Variants in FRMD4B observed in about 807,000 individuals in gnomAD.
FRMD4B encodes FERM domain-containing protein 4B.
Under a neutral mutation model 141.5 loss-of-function variants are expected in FRMD4B, and 74 were observed. The ratio of observed to expected loss-of-function variants is 0.52; its 90% confidence interval spans 0.43 to 0.63. FRMD4B has a LOEUF of 0.63. Among genes scored for constraint, FRMD4B ranks in the 30% least tolerant of loss-of-function variants. The pLI is 0.00. For missense variants in FRMD4B, 1,366 were observed against 1,253.4 expected, an observed-to-expected ratio of 1.09 and a Z score of -1.36; for synonymous variants, 506 against 467.9, an observed-to-expected ratio of 1.08 and a Z score of -1.05.
chr3:69,312,303 C>T lies in FRMD4B; in HGVS notation c.229-946G>A, dbSNP rs1244123079. Among the ~76,000 whole-genome samples, 6 of 152,060 alleles carry T rather than the reference C, an allele frequency of 3.9e-5. No individual in the cohort carries two copies. The South Asian group carries it at 6.2e-4, about 16-fold the overall frequency. ...GAGCAAAACAGCTTAGGGTATATTA[C>T]GATGGCTGTTGGGGATAAAAATGGA... is the stretch of plus-strand genomic sequence containing the variant. On this transcript the variant is annotated intron_variant, in intron 2 of 22. Coordinates refer to ENST00000398540, the MANE Select transcript of FRMD4B (RefSeq NM_015123.3).
chr3:69,510,663 G>T (rs1201415164), intron 1 of FRMD4B, among the ~76,000 whole-genome samples: 1 of 152,164 alleles, frequency 6.6e-6, no homozygotes, highest in Non-Finnish European at 1.5e-5. Context: ...CAAGCCAAAG[G>T]TGTTGATGAC....
chr3:69,283,429 C>CAAAAAAAAAAAAAAAAAAA (rs59444542), intron 5 of FRMD4B, among the ~76,000 whole-genome samples: 1 of 139,458 alleles, frequency 7.2e-6, no homozygotes, highest in Non-Finnish European at 1.5e-5. Context: ...GCAACAACAA[C>CAAAAAAAAAAAAAAAAAAA]AAAAAAAAAA....
intron 7 of FRMD4B, among the ~76,000 whole-genome samples, chr3:69,247,739 C>T (rs536292228): frequency 6.6e-6 from 1 of 152,320 alleles, no homozygotes; most frequent in African/African-American, 2.4e-5. Context: ...AGCTCCACCT[C>T]CCGGGTTCAC....
intron 1 of FRMD4B, among the ~76,000 whole-genome samples, chr3:69,457,978 G>A (rs571272738): frequency 1.0e-3 from 154 of 152,244 alleles, no homozygotes; most frequent in Admixed American, 3.9e-3. Context: ...GGAGCCCCTG[G>A]TGCCCATAGA....
chr3:69,381,678 A>T (rs1424598887), intron 1 of FRMD4B, among the ~76,000 whole-genome samples: 1 of 152,220 alleles, frequency 6.6e-6, no homozygotes, highest in Non-Finnish European at 1.5e-5. Context: ...GGGTAATCTT[A>T]TGATAAGCCC....
intron 1 of FRMD4B, among the ~76,000 whole-genome samples, chr3:69,499,155 C>A (rs1706451859): frequency 6.6e-6 from 1 of 152,130 alleles, no homozygotes; most frequent in Non-Finnish European, 1.5e-5. Context: ...GACTTTACAA[C>A]AGGAGACAGA....
chr3:69,527,411 T>C (rs1700945125), intron 1 of FRMD4B, among the ~76,000 whole-genome samples: 1 of 152,100 alleles, frequency 6.6e-6, no homozygotes, highest in South Asian at 2.1e-4. Flanking sequence ...AAGGAGGAAA[T>C]ACCCAGTGTT....
At chr3:69,415,142 G>A (rs989057502) in intron 2 of FRMD4B, among the ~76,000 whole-genome samples, 1 of 152,106 alleles carries the variant, frequency 6.6e-6, no homozygotes, top group South Asian at 2.1e-4. Flanking sequence ...GGGATTACAG[G>A]CATGAGCGAC....
intron 1 of FRMD4B, among the ~76,000 whole-genome samples, chr3:69,384,417 A>C (rs1704200077): frequency 6.6e-6 from 1 of 152,212 alleles, no homozygotes; most frequent in Non-Finnish European, 1.5e-5. Flanking sequence ...AAACACTAAA[A>C]AGGAAAAACA....
At chr3:69,472,357 T>A in intron 1 of FRMD4B, 2 of 493,608 alleles carry the variant, frequency 4.1e-6, no homozygotes, top group Non-Finnish European at 8.2e-6. Flanking sequence ...GTTGGATATA[T>A]CACATCTTCA....
rs146998347 is a variant in FRMD4B, at chr3:69,465,701, C to G, written c.-128-32940G>C. Among the ~76,000 whole-genome samples, 378 of 152,256 alleles carry G rather than the reference C, an allele frequency of 2.5e-3. 4 individuals carry two copies. The highest frequency in any genetic ancestry group is 8.6e-3 in the African/African-American group (359 of 41,526). On this transcript the variant is annotated intron_variant, in intron 1 of 5. Transcript: ENST00000459638. ...TGATGGTTTCCAGCTTCATCCATGT[C>G]CCTTGCAAAGGACATGAACTCATCC...
intron 5 of FRMD4B, among the ~76,000 whole-genome samples, chr3:69,269,218 T>G (rs1460788067): frequency 6.6e-6 from 1 of 151,896 alleles, no homozygotes. Context: ...CGTTAGCCAC[T>G]GTGCCTGGCA....
chr3:69,176,654 A>T lies in FRMD4B; in HGVS notation c.2854T>A (p.Ser952Thr). The T allele has an allele frequency of 6.3e-7, 1 of 1,594,824 alleles. No homozygotes were observed. Among genetic ancestry groups the T allele is most frequent in the Non-Finnish European group, 8.6e-7 (1 of 1,165,314 alleles). ...SSRASSYSSV[S>T]STNASGNWRT... ...CAGTTCCCAGAAGCATTTGTAGAAG[A>T]CACTGGAAATAAAAATGGAAAAAGA... Residue 952 changes from serine to threonine, a missense_variant and splice_region_variant, in exon 22 of 23, where the codon TCT becomes ACT. Physicochemically the swap from Ser to Thr is moderately conservative, Grantham distance 58. Coordinates refer to ENST00000398540, the MANE Select transcript of FRMD4B (RefSeq NM_015123.3).
chr3:69,230,150 G>A (rs1232099191), intron 7 of FRMD4B, among the ~76,000 whole-genome samples: 3 of 151,772 alleles, frequency 2.0e-5, no homozygotes, highest in Non-Finnish European at 4.4e-5. Flanking sequence ...TAATTTTTTT[G>A]TATTTTTAGT....
chr3:69,304,433 G>A (rs1469143372), intron 3 of FRMD4B, among the ~76,000 whole-genome samples: 4 of 145,546 alleles, frequency 2.7e-5, no homozygotes, highest in Non-Finnish European at 4.5e-5. Flanking sequence ...GCAGTGAGCC[G>A]AGGTCATGCC....
intron 2 of FRMD4B, among the ~76,000 whole-genome samples, chr3:69,405,343 T>C (rs1704632266): frequency 6.6e-6 from 1 of 152,236 alleles, no homozygotes; most frequent in South Asian, 2.1e-4. Context: ...TCTTCGCTGC[T>C]AGCTCCTGTA....
At chr3:69,310,196 C>G (rs1171537846) in intron 3 of FRMD4B, among the ~76,000 whole-genome samples, 2 of 152,144 alleles carry the variant, frequency 1.3e-5, no homozygotes, top group African/African-American at 4.8e-5. Context: ...TTGCCCAGTG[C>G]AAGTCCTGAG....
At chr3:69,495,221 A>G (rs1188598134) in intron 1 of FRMD4B, among the ~76,000 whole-genome samples, 1 of 152,180 alleles carries the variant, frequency 6.6e-6, no homozygotes, top group Non-Finnish European at 1.5e-5. Flanking sequence ...TCTTTACTGT[A>G]GAGACAAGAA....
intron 1 of FRMD4B, among the ~76,000 whole-genome samples, chr3:69,355,213 T>G (rs1703278257): frequency 6.6e-6 from 1 of 152,130 alleles, no homozygotes; most frequent in Non-Finnish European, 1.5e-5. Flanking sequence ...TGAATAAAAT[T>G]ATCCTATCAA....
Sources: gnomAD v4.1 joint callset for allele counts (sites outside exome capture counted in the v4.1 genomes callset) on GRCh38, gnomAD v4.1.1 for gene constraint, MANE v1.5 for transcripts, NCBI Gene and HGNC (gene_info 2026-07-23, HGNC 2026-07-21) for gene names.